SYTL3: variants seen among roughly 807,000 people sequenced by gnomAD.
The protein encoded by SYTL3 is synaptotagmin-like protein 3.
A neutral mutation model predicts 82.1 loss-of-function variants in SYTL3; 88 were observed. The observed-to-expected ratio is 1.07, with a 90% CI of 0.90 to 1.28. The LOEUF is 1.28. Among genes scored for constraint, SYTL3 ranks in the 50% most tolerant of loss-of-function variants. The pLI is 0.00. For missense variants in SYTL3, 831 were observed against 757.6 expected, an observed-to-expected ratio of 1.10 and a Z score of -1.14; for synonymous variants, 311 against 289.4, an observed-to-expected ratio of 1.07 and a Z score of -0.76.
At chr6:158,732,966 A>C (rs1027490312) in intron 11 of SYTL3, among the ~76,000 whole-genome samples, 1 of 151,966 alleles carries the variant, frequency 6.6e-6, no homozygotes, top group Admixed American at 6.6e-5. Context: ...AAAAAAAAAA[A>C]AACACTGTAA....
chr6:158,708,463 C>T (rs924540181), intron 8 of SYTL3, 72 bp downstream of exon 8: 11 of 1,453,094 alleles, frequency 7.6e-6, no homozygotes, highest in East Asian at 4.5e-5. Context: ...GGGGAGCTTT[C>T]GAGGCTGAGG....
rs562937917 is a variant in SYTL3 at position 158,675,641 on chromosome 6, C to G, written c.330-7284C>G. 7.2e-5 allele frequency among the ~76,000 whole-genome samples: 11 copies of G among 152,054 alleles called. No individual in the cohort carries two copies. In the South Asian group the frequency reaches 2.1e-3, roughly 29 times the overall value. On this transcript the variant is annotated intron_variant, in intron 5 of 17. Transcript: ENST00000611299. ...CCAGCCTGGCTGACATGATGCAATCCCATCTCTACTAAAAACACAAAAATG... is the reference window on the plus strand; with the variant it reads ...CCAGCCTGGCTGACATGATGCAATCGCATCTCTACTAAAAACACAAAAATG...
At chr6:158,716,270 C>CTATA (rs1477743670) in intron 9 of SYTL3, among the ~76,000 whole-genome samples, 1 of 152,190 alleles carries the variant, frequency 6.6e-6, no homozygotes, top group Non-Finnish European at 1.5e-5. Context: ...TAATACTGAC[C>CTATA]TATAAGCCTA....
In SYTL3 at chr6:158,689,589, C is replaced by T. The variant is rs1006142437; in HGVS notation, c.394+6600C>T. Among the ~76,000 whole-genome samples, 5 of 151,846 alleles carry T rather than the reference C, an allele frequency of 3.3e-5. No individual in the cohort carries two copies. In the South Asian group the frequency reaches 8.3e-4, roughly 25 times the overall value. ...TTTCTTTTGCTTTTATGCTTCGAGA[C>T]TTCTTCCTTATCCTGTGATAGGTTA... On this transcript the variant is annotated intron_variant, in intron 6 of 17. Transcript: ENST00000611299.
chr6:158,714,489 G>A (rs892786953), intron 9 of SYTL3, among the ~76,000 whole-genome samples: 3 of 152,186 alleles, frequency 2.0e-5, no homozygotes, highest in African/African-American at 4.8e-5. Context: ...CTTGGTAAAT[G>A]TATTTTCTTC....
At chr6:158,692,285 A>G (rs1161698708) in intron 6 of SYTL3, among the ~76,000 whole-genome samples, 1 of 140,316 alleles carries the variant, frequency 7.1e-6, no homozygotes, top group East Asian at 2.0e-4. Context: ...AAAAAAAAAA[A>G]AAAAAAAAAA....
chr6:158,694,437 G>A (rs1300624491), intron 6 of SYTL3, among the ~76,000 whole-genome samples: 1 of 151,836 alleles, frequency 6.6e-6, no homozygotes, highest in African/African-American at 2.4e-5. Context: ...TGGGACCACA[G>A]GTGCACACCA....
At chr6:158,674,119 A>AATAATAATAATAATGATG (rs544841096) in intron 5 of SYTL3, among the ~76,000 whole-genome samples, 57 of 141,450 alleles carry the variant, frequency 4.0e-4, no homozygotes, top group African/African-American at 1.5e-3. Context: ...TAATAATAAT[A>AATAATAATAATAATGATG]ATGATGATGA....
intron 5 of SYTL3, among the ~76,000 whole-genome samples, chr6:158,675,611 C>G (rs755540689): frequency 2.0e-5 from 3 of 151,992 alleles, no homozygotes; most frequent in Admixed American, 6.6e-5. Context: ...GTTGGGAGTT[C>G]GAGACCAGCC....
intron 6 of SYTL3, among the ~76,000 whole-genome samples, chr6:158,697,926 T>C (rs9457436): frequency 0.66 from 99,990 of 152,102 alleles, 35,160 homozygotes; most frequent in African/African-American, 0.91. Context: ...AGAAGGATGC[T>C]GGATAGGGGA....
intron 13 of SYTL3, among the ~76,000 whole-genome samples, chr6:158,752,686 G>C (rs1469052818): frequency 6.6e-6 from 1 of 152,204 alleles, no homozygotes. Context: ...GCAGGGTGAG[G>C]GGGGTAGCCC....
rs1350647222 is a variant in SYTL3 at position 158,763,318 on chromosome 6, C to G, written c.1532C>G (p.Pro511Arg). Residue 511 changes from proline to arginine, a missense_variant, in exon 17 of 18, where the codon CCA becomes CGA. Coordinates refer to ENST00000611299, the MANE Select transcript of SYTL3 (RefSeq NM_001242394.2). ...NSFVKGCLTLPDQQKLRLKSP... is the reference protein window; with the variant it reads ...NSFVKGCLTLRDQQKLRLKSP... ...TCCCTCTTCAGCTGTCTCACTCTGC[C>G]AGACCAACAAAAACTGAGACTGAAG... is the stretch of plus-strand genomic sequence containing the variant. 1 of 1,614,060 alleles carries G rather than the reference C, an allele frequency of 6.2e-7. No homozygotes were observed. Among genetic ancestry groups the G allele is most frequent in the Non-Finnish European group, 8.5e-7 (1 of 1,180,036 alleles).
At chr6:158,681,665 A>G (rs867876138) in intron 5 of SYTL3, among the ~76,000 whole-genome samples, 1 of 152,066 alleles carries the variant, frequency 6.6e-6, no homozygotes, top group African/African-American at 2.4e-5. Context: ...GCCACCAGAA[A>G]AACAACAACA....
chr6:158,670,563 C>G (rs2128381003), intron 5 of SYTL3, among the ~76,000 whole-genome samples: 1 of 152,226 alleles, frequency 6.6e-6, no homozygotes, highest in East Asian at 1.9e-4. Flanking sequence ...GGGTGGATCA[C>G]TTGACGTCAG....
chr6:158,707,532 T>A (rs1782237008), intron 7 of SYTL3, among the ~76,000 whole-genome samples: 1 of 152,222 alleles, frequency 6.6e-6, no homozygotes, highest in African/African-American at 2.4e-5. Flanking sequence ...TCTTAAATTC[T>A]CCTGAAGTGT....
chr6:158,682,884 A>G, intron 5 of SYTL3, 41 bp from the exon 6 acceptor site: 1 of 1,516,124 alleles, frequency 6.6e-7, no homozygotes, highest in Non-Finnish European at 9.2e-7. Context: ...CACTATTCAT[A>G]TCTTCTCTCT....
intron 6 of SYTL3, among the ~76,000 whole-genome samples, chr6:158,703,230 C>T (rs116575481): frequency 0.027 from 4,019 of 151,576 alleles, 175 homozygotes; most frequent in African/African-American, 0.091. Flanking sequence ...CAAAATGCTC[C>T]GCGCCGTGCC....
intron 11 of SYTL3, among the ~76,000 whole-genome samples, chr6:158,732,781 T>A (rs1785578924): frequency 6.6e-6 from 1 of 152,196 alleles, no homozygotes; most frequent in South Asian, 2.1e-4. Context: ...GAACGTATGT[T>A]AGTATTGTAA....
At chr6:158,759,584 G>A (rs1789629918) in intron 14 of SYTL3, among the ~76,000 whole-genome samples, 1 of 152,222 alleles carries the variant, frequency 6.6e-6, no homozygotes, top group Non-Finnish European at 1.5e-5. Context: ...CCAGGCTGGA[G>A]TGAAGTGGCG....
Sources: allele counts gnomAD v4.1 joint callset (sites outside exome capture counted in the v4.1 genomes callset), GRCh38; gene constraint gnomAD v4.1.1; transcripts MANE v1.5; gene names NCBI Gene and HGNC (gene_info 2026-07-23, HGNC 2026-07-21).